Variants in CRTAP observed in about 807,000 individuals in gnomAD.
CRTAP encodes cartilage-associated protein.
In CRTAP, 33 loss-of-function variants were observed where a neutral mutation model predicts 42.7. That is an observed-to-expected ratio of 0.77 (90% CI 0.59 to 1.03). The LOEUF (loss-of-function observed/expected upper bound fraction) is 1.03. CRTAP is among the 50% of genes least tolerant of loss of function. The pLI, the probability that CRTAP is intolerant of heterozygous loss-of-function variation, is 0.00. For synonymous variants in CRTAP, 243 were observed against 217.7 expected (o/e 1.12, Z -1.02); for missense variants, 613 against 533.9 (o/e 1.15, Z -1.46).
intron 1 of CRTAP, 134 bp downstream of exon 1, chr3:33,114,682 CA>C: frequency 1.3e-6 from 1 of 771,422 alleles, no homozygotes; most frequent in East Asian, 2.8e-5. Context: ...CCAGCCCTGC[CA>C]AAGGTCTCCT....
chr3:33,125,477 T>A (rs1441958391), intron 3 of CRTAP, among the ~76,000 whole-genome samples: 1 of 149,926 alleles, frequency 6.7e-6, no homozygotes, highest in Non-Finnish European at 1.5e-5. Flanking sequence ...CATTAATCTC[T>A]TTCTACAAAG....
At chr3:33,120,201 G>T (rs1254080752) in intron 1 of CRTAP, 143 bp from the exon 2 acceptor site, 3 of 772,398 alleles carry the variant, frequency 3.9e-6, no homozygotes, top group Non-Finnish European at 6.8e-6. Flanking sequence ...ACTTGGTCTT[G>T]AGGGGCCCTG....
intron 6 of CRTAP, among the ~76,000 whole-genome samples, chr3:33,137,866 A>C (rs148092013): frequency 6.6e-6 from 1 of 152,204 alleles, no homozygotes; most frequent in Non-Finnish European, 1.5e-5. Flanking sequence ...ATTTGAGTTA[A>C]TTTTATGTGT....
intron 2 of CRTAP, among the ~76,000 whole-genome samples, chr3:33,122,163 T>C (rs1423904431): frequency 6.6e-6 from 1 of 152,146 alleles, no homozygotes; most frequent in Admixed American, 6.5e-5. Context: ...GTCAGTGCCC[T>C]GGGCTTATCT....
chr3:33,135,606 C>CAA (rs548837575), intron 6 of CRTAP, among the ~76,000 whole-genome samples: 1 of 86,952 alleles, frequency 1.2e-5, no homozygotes, highest in Non-Finnish European at 2.4e-5. Flanking sequence ...GACCCTGCCT[C>CAA]AAAAAAAAAA....
At chr3:33,136,353 A>G (rs2030418480) in intron 6 of CRTAP, among the ~76,000 whole-genome samples, 3 of 152,222 alleles carry the variant, frequency 2.0e-5, no homozygotes, top group African/African-American at 2.4e-5. Context: ...TAATGATGCT[A>G]TGACCATTTG....
intron 2 of CRTAP, 133 bp from the exon 3 acceptor site, chr3:33,124,259 CTCACTGATTGACTTCT>C: frequency 1.3e-6 from 1 of 786,054 alleles, no homozygotes; most frequent in Non-Finnish European, 2.2e-6. Flanking sequence ...TATAAAGTAA[CTCACTGATTGACTTCT>C]TCAAGGGCCA....
chr3:33,125,501 T>TTG (rs1553617151), intron 3 of CRTAP, among the ~76,000 whole-genome samples: 3 of 145,906 alleles, frequency 2.1e-5, no homozygotes, highest in South Asian at 2.2e-4. Context: ...GTTTTTTTTT[T>TTG]TTTTTTTTTT....
rs1474206443 is a variant in CRTAP at position 33,144,799 on chromosome 3, T to A, written c.*2351T>A. On this transcript the variant is annotated 3_prime_UTR_variant, in exon 7 of 7. Transcript: ENST00000320954. The stretch of plus-strand genomic sequence containing the variant: ...TGGAGCCCTTGGGCTCTCTGGGAAA[T>A]GGGAAATCAGCCAAAGGACTGAGAA... 6.6e-6 allele frequency: 1 copy of A among 152,026 alleles called. No homozygotes were observed. Among genetic ancestry groups the A allele is most frequent in the Non-Finnish European group, 1.5e-5 (1 of 68,038 alleles). 9.4% of individuals were successfully genotyped at this position (152,026 alleles called of 1,614,324 possible).
Position 33,114,511 on chromosome 3 carries a change from G to T in CRTAP, c.434G>T (p.Arg145Leu). Residue 145 changes from arginine to leucine, a missense_variant, in exon 1 of 7, where the codon CGC becomes CTC. By Grantham distance (102) the Arg-to-Leu change is moderately radical. Transcript: ENST00000320954. ...SREVLADFQR[R>L]EPYKFLQFAY... ...GAGGTGCTGGCGGACTTCCAGCGCC[G>T]CGAGCCCTACAAGTTCCTGCAGTTC... 6.2e-7 allele frequency: 1 copy of T among 1,603,758 alleles called. No individual in the cohort carries two copies. Among genetic ancestry groups the T allele is most frequent in the South Asian group, 1.1e-5 (1 of 89,512 alleles).
chr3:33,124,434 A>G lies in CRTAP; in HGVS notation c.648A>G (p.Ala216=). 3.1e-6 allele frequency: 5 copies of G among 1,614,242 alleles called. No individual in the cohort carries two copies. The highest frequency in any genetic ancestry group is 4.2e-6 in the Non-Finnish European group (5 of 1,180,036). ...GCCTGTTCATCCGAGCAGTGCGGGC[A>G]TACAACGGTGAGAACTGGAGAACAT... The part of the protein sequence containing the change: ...YESLFIRAVR[A]YNGENWRTSI... Residue 216 remains alanine, a synonymous_variant, in exon 3 of 7, where the codon GCA becomes GCG. Coordinates refer to ENST00000320954, the MANE Select transcript of CRTAP (RefSeq NM_006371.5).
intron 1 of CRTAP, among the ~76,000 whole-genome samples, chr3:33,119,390 AAAATGC>A (rs1701386614): frequency 6.6e-6 from 1 of 152,152 alleles, no homozygotes; most frequent in Non-Finnish European, 1.5e-5. Context: ...AGGGTGGCGT[AAAATGC>A]GGGAAGACAG....
intron 4 of CRTAP, among the ~76,000 whole-genome samples, chr3:33,131,515 C>T (rs1285062907): frequency 2.0e-5 from 3 of 152,136 alleles, no homozygotes; most frequent in Admixed American, 6.5e-5. Context: ...CCCTGAAAAT[C>T]GCCCTGCATA....
chr3:33,133,037 A>C (rs77744857), intron 5 of CRTAP, among the ~76,000 whole-genome samples: 1 of 151,740 alleles, frequency 6.6e-6, no homozygotes, highest in East Asian at 1.9e-4. Flanking sequence ...AGATTGCGCC[A>C]AAAAAAAGGA....
Position 33,134,567 on chromosome 3 carries a change from A to T in CRTAP, c.1152+302A>T, listed in dbSNP as rs2030368316. On this transcript the variant is annotated intron_variant, in intron 6 of 6. Transcript: ENST00000320954. ...CTTTATATAAAAACAGTGAATTTTT[A>T]ATTGCTCAGCACTCTGAAGAGACAT... 1.3e-5 allele frequency among the ~76,000 whole-genome samples: 2 copies of T among 152,174 alleles called. 1 individual carries two copies. Among genetic ancestry groups the T allele is most frequent in the Admixed American group, 1.3e-4 (2 of 15,276 alleles).
At chr3:33,137,685 C>A (rs1230349709) in intron 6 of CRTAP, among the ~76,000 whole-genome samples, 1 of 152,144 alleles carries the variant, frequency 6.6e-6, no homozygotes, top group Non-Finnish European at 1.5e-5. Flanking sequence ...TCTTGAAGCA[C>A]AAGTTTTCAA....
rs768904267 is a variant in CRTAP, at chr3:33,121,102, A to C, written c.621+609A>C. On this transcript the variant is annotated intron_variant, in intron 2 of 6. Coordinates refer to ENST00000320954, the MANE Select transcript of CRTAP (RefSeq NM_006371.5). Reference sequence around the variant, plus strand: ...GGGGGCCTGGGTTTCAAGCAAGGGCAGGGCATTGTTGAAAATGGGAATTTG... The same window carrying C: ...GGGGGCCTGGGTTTCAAGCAAGGGCCGGGCATTGTTGAAAATGGGAATTTG... Among the ~76,000 whole-genome samples, 216 of 152,270 alleles carry C rather than the reference A, an allele frequency of 1.4e-3. 1 individual carries two copies. Among genetic ancestry groups the C allele is most frequent in the Non-Finnish European group, 1.8e-3 (122 of 68,026 alleles).
In CRTAP at chr3:33,114,091, G is replaced by C; in HGVS notation, c.14G>C (p.Arg5Pro). Residue 5 changes from arginine to proline, a missense_variant, in exon 1 of 7, where the codon CGC (arginine) becomes CCC (proline). By Grantham distance (103) the Arg-to-Pro change is moderately radical (BLOSUM62 -2). Transcript: ENST00000320954. Reference protein sequence around the residue: MEPGRRGAAALLALL... With the variant: MEPGPRGAAALLALL... ...TCGCCGGGCGCGATGGAGCCGGGGC[G>C]CCGGGGGGCCGCGGCGCTGCTAGCG... The C allele has an allele frequency of 6.8e-7, 1 of 1,460,288 alleles. No individual in the cohort carries two copies. The highest frequency in any genetic ancestry group is 9.0e-7 in the Non-Finnish European group (1 of 1,113,208). 90.5% of individuals were successfully genotyped at this position (1,460,288 alleles called of 1,614,324 possible). A position where few individuals can be genotyped will look rare whatever the true frequency, so the allele number is the denominator to read the frequency against.
At chr3:33,130,175 C>T in intron 4 of CRTAP, 108 bp downstream of exon 4, 1 of 1,079,148 alleles carries the variant, frequency 9.3e-7, no homozygotes, top group Middle Eastern at 2.0e-4. Flanking sequence ...TCAAGGTCCA[C>T]TGACAACCCT....
Sources: gnomAD v4.1 joint callset for allele counts (sites outside exome capture counted in the v4.1 genomes callset) on GRCh38, gnomAD v4.1.1 for gene constraint, MANE v1.5 for transcripts, NCBI Gene and HGNC (gene_info 2026-07-23, HGNC 2026-07-21) for gene names.